The following GALNT9 variants were observed in gnomAD, a reference collection of about 807,000 sequenced individuals.
GALNT9 encodes the protein GalNAc transferase 9.
A neutral mutation model predicts 63.1 loss-of-function variants in GALNT9; 47 were observed. The ratio of observed to expected loss-of-function variants is 0.75; its 90% confidence interval spans 0.59 to 0.95. The LOEUF is 0.95. Among genes scored for constraint, GALNT9 ranks in the 40% least tolerant of loss-of-function variants. The pLI is 0.00. For missense variants in GALNT9, 829 were observed against 874.8 expected (o/e 0.95, Z 0.66); for synonymous variants, 396 against 365.7 (o/e 1.08, Z -0.94).
At chr12:132,198,327 C>T (rs886702432) in intron 9 of GALNT9, among the ~76,000 whole-genome samples, 6 of 152,150 alleles carry the variant, frequency 3.9e-5, no homozygotes, top group East Asian at 3.9e-4. Context: ...GAGCGGAACA[C>T]GCATTCCCGT....
chr12:132,257,903 G>T lies in GALNT9; in HGVS notation c.762-17C>A. ...GGCTCGGCCCTGCGGAGGCACAGCTGTGAGGAGGGGCGGCCCCAGCCCACC... is the reference window on the plus strand; with the variant it reads ...GGCTCGGCCCTGCGGAGGCACAGCTTTGAGGAGGGGCGGCCCCAGCCCACC... On this transcript the variant is annotated splice_polypyrimidine_tract_variant and intron_variant, in intron 4 of 10. Transcript: ENST00000328957. 1 of 1,494,936 alleles carries T rather than the reference G, an allele frequency of 6.7e-7. No homozygotes were observed. The highest frequency in any genetic ancestry group is 9.0e-7 in the Non-Finnish European group (1 of 1,106,924). 92.6% of individuals were successfully genotyped at this position (1,494,936 alleles called of 1,614,324 possible).
In GALNT9 at chr12:132,319,279, G is replaced by C. The variant is rs1482662793; in HGVS notation, c.238+9687C>G. Among the ~76,000 whole-genome samples, 1 of 152,166 alleles carries C rather than the reference G, an allele frequency of 6.6e-6. No individual in the cohort carries two copies. Among genetic ancestry groups the C allele is most frequent in the Admixed American group, 6.5e-5 (1 of 15,282 alleles). ...GGTCTGTCCTCCCCAGTGCAGACAGGGATCAGCCCCTTCTCGGAGGCCCGG... is the reference window on the plus strand; with the variant it reads ...GGTCTGTCCTCCCCAGTGCAGACAGCGATCAGCCCCTTCTCGGAGGCCCGG... On this transcript the variant is annotated intron_variant, in intron 1 of 10. Transcript: ENST00000328957. The surrounding 1 kb of genome is among the most constrained non-coding windows in gnomAD (Gnocchi z 5.2).
rs1877729935 is a variant in GALNT9 at position 132,227,300 on chromosome 12, C to T, written c.1077+20610G>A. The stretch of plus-strand genomic sequence containing the variant: ...CACCAGCGTGCAGCTGTGCATGGTG[C>T]CGTCCCCGAACGCGTGTGGGGAAGT... On this transcript the variant is annotated intron_variant, in intron 6 of 10. Transcript: ENST00000328957. 1.3e-5 allele frequency among the ~76,000 whole-genome samples: 2 copies of T among 152,118 alleles called. 1 individual carries two copies. Among genetic ancestry groups the T allele is most frequent in the South Asian group, 4.1e-4 (2 of 4,820 alleles).
intron 1 of GALNT9, among the ~76,000 whole-genome samples, chr12:132,304,829 A>G (rs1881511266): frequency 1.6e-5 from 1 of 64,342 alleles, no homozygotes; most frequent in Non-Finnish European, 2.8e-5. Flanking sequence ...GCCCGGGCAC[A>G]CCCTCGCCCG....
Position 132,329,434 on chromosome 12 carries a change from A to C in GALNT9, c.-231T>G. 1 of 358,170 alleles carries C rather than the reference A, an allele frequency of 2.8e-6. No homozygotes were observed. 22.2% of individuals were successfully genotyped at this position (358,170 alleles called of 1,614,324 possible). ...GCTGGGGTCGCGGGGCGCGGCCGGCATCCCCCGCTCAGAGGGCGCGGCCCC... is the reference window on the plus strand; with the variant it reads ...GCTGGGGTCGCGGGGCGCGGCCGGCCTCCCCCGCTCAGAGGGCGCGGCCCC... On this transcript the variant is annotated 5_prime_UTR_variant, in exon 1 of 11. It removes an upstream start codon present in the reference 5' UTR. Coordinates refer to ENST00000328957, the MANE Select transcript of GALNT9 (RefSeq NM_001122636.2).
chr12:132,211,340 G>A (rs1244259815), intron 6 of GALNT9, among the ~76,000 whole-genome samples: 1 of 152,164 alleles, frequency 6.6e-6, no homozygotes, highest in Non-Finnish European at 1.5e-5. Flanking sequence ...TGTGTTGATT[G>A]TAATGCTTCC....
chr12:132,327,819 C>T lies in GALNT9; in HGVS notation c.238+1147G>A, dbSNP rs1869102497. ...CATGGGGATTCACCTCCCCCTCCCA[C>T]CCCACGGCCTGTCTGCAGCCCACCC... On this transcript the variant is annotated intron_variant, in intron 1 of 10. Transcript: ENST00000328957. This position sits in a 1 kb window ranked among gnomAD's most constrained non-coding sequence, Gnocchi z 4.3. Among the ~76,000 whole-genome samples the T allele has an allele frequency of 6.6e-6, 1 of 151,384 alleles. No individual in the cohort carries two copies. Among genetic ancestry groups the T allele is most frequent in the South Asian group, 2.1e-4 (1 of 4,770 alleles).
intron 1 of GALNT9, among the ~76,000 whole-genome samples, chr12:132,325,563 G>C (rs147246763): frequency 6.6e-6 from 1 of 152,224 alleles, no homozygotes; most frequent in Non-Finnish European, 1.5e-5. Flanking sequence ...GCTGGCCACA[G>C]TGGGGCCTTC....
chr12:132,241,141 C>A (rs1169847833), intron 6 of GALNT9, among the ~76,000 whole-genome samples: 9 of 128,264 alleles, frequency 7.0e-5, no homozygotes, highest in African/African-American at 2.6e-4. Context: ...CAGGGGCCCT[C>A]CCTATACCCA....
At chr12:132,267,594 C>T (rs1555240301) in intron 2 of GALNT9, among the ~76,000 whole-genome samples, 1 of 152,224 alleles carries the variant, frequency 6.6e-6, no homozygotes, top group Non-Finnish European at 1.5e-5. Flanking sequence ...CGGGAGGACT[C>T]ACACCACCTC....
chr12:132,261,202 C>A, intron 3 of GALNT9, 80 bp from the exon 4 acceptor site: 1 of 1,530,154 alleles, frequency 6.5e-7, no homozygotes, highest in South Asian at 1.2e-5. Context: ...GGAAATGCTG[C>A]GTGCCGCGTG....
intron 6 of GALNT9, among the ~76,000 whole-genome samples, chr12:132,215,295 A>C (rs1221373793): frequency 6.6e-6 from 1 of 152,196 alleles, no homozygotes; most frequent in Admixed American, 6.5e-5. Context: ...GCTGCAATTT[A>C]CCAGCCCTCC....
intron 6 of GALNT9, among the ~76,000 whole-genome samples, chr12:132,215,206 G>A (rs1877135410): frequency 6.6e-6 from 1 of 152,258 alleles, no homozygotes; most frequent in Non-Finnish European, 1.5e-5. Flanking sequence ...GGCCCTGCCT[G>A]GAGCCCCAGC....
At chr12:132,215,400 G>A (rs146492439) in intron 6 of GALNT9, among the ~76,000 whole-genome samples, 5 of 152,374 alleles carry the variant, frequency 3.3e-5, no homozygotes, top group African/African-American at 9.6e-5. Context: ...ACTGCAGCCC[G>A]GGGAGGATTG....
intron 6 of GALNT9, among the ~76,000 whole-genome samples, chr12:132,210,602 G>A (rs770378653): frequency 2.0e-5 from 3 of 152,156 alleles, no homozygotes; most frequent in South Asian, 2.1e-4. Flanking sequence ...GTTAACTGGC[G>A]GTGAGACACA....
At chr12:132,203,804 C>A in intron 6 of GALNT9, 114 bp from the exon 7 acceptor site, 1 of 1,148,048 alleles carries the variant, frequency 8.7e-7, no homozygotes, top group Non-Finnish European at 1.2e-6. Flanking sequence ...TGGGGCACCC[C>A]CACCACCGAC....
intron 5 of GALNT9, among the ~76,000 whole-genome samples, 179 bp downstream of exon 5, chr12:132,257,510 C>CCGGCCCTCGTCCT (rs1879174449): frequency 9.1e-6 from 1 of 109,770 alleles, no homozygotes; most frequent in African/African-American, 3.5e-5. Flanking sequence ...GCCCTCATCC[C>CCGGCCCTCGTCCT]CACGCCCTCG....
chr12:132,240,662 G>A (rs2136899116), intron 6 of GALNT9: 4 of 455,578 alleles, frequency 8.8e-6, no homozygotes, highest in Admixed American at 4.7e-5. Context: ...TTCACTCTCT[G>A]CCGTGTTTTT....
At chr12:132,215,842 T>G (rs11247008) in intron 6 of GALNT9, among the ~76,000 whole-genome samples, 89,362 of 151,340 alleles carry the variant, frequency 0.59, 26,478 homozygotes, top group East Asian at 0.72. Context: ...TGGCCCTCCC[T>G]GACTCACAGC....
Sources: gnomAD v4.1 joint callset for allele counts (sites outside exome capture counted in the v4.1 genomes callset) on GRCh38, gnomAD v4.1.1 for gene constraint, Gnocchi (gnomAD v3.1) non-coding constraint, MANE v1.5 for transcripts, NCBI Gene and HGNC (gene_info 2026-07-23, HGNC 2026-07-21) for gene names.